ARAP2: variants seen among roughly 807,000 people sequenced by gnomAD.
ARAP2 encodes the protein arf-GAP with Rho-GAP domain, ANK repeat and PH domain-containing protein 2.
ARAP2 carries 148 observed loss-of-function variants against 194.5 expected under a neutral mutation model. The ratio of observed to expected loss-of-function variants is 0.76; its 90% confidence interval spans 0.67 to 0.87. The LOEUF (loss-of-function observed/expected upper bound fraction) is 0.87. ARAP2 is among the 40% of genes least tolerant of loss of function. The pLI is 0.00. For missense variants in ARAP2, 2,128 were observed against 1,989.7 expected (o/e 1.07, Z -1.32); for synonymous variants, 695 against 683.5 (o/e 1.02, Z -0.26).
intron 1 of ARAP2, among the ~76,000 whole-genome samples, chr4:36,060,991 TG>T (rs1366601545): frequency 1.3e-5 from 2 of 152,310 alleles, no homozygotes; most frequent in Admixed American, 1.3e-4. Context: ...CCATAACTTG[TG>T]GTAATCTGCT....
chr4:36,118,889 G>A (rs918240545), intron 24 of ARAP2, among the ~76,000 whole-genome samples: 2 of 151,360 alleles, frequency 1.3e-5, no homozygotes, highest in African/African-American at 4.8e-5. Context: ...AATGACTCTA[G>A]TTAGTTGTGG....
intron 18 of ARAP2, 93 bp downstream of exon 18, chr4:36,147,455 G>T: frequency 6.5e-7 from 1 of 1,549,854 alleles, no homozygotes; most frequent in South Asian, 1.1e-5. Context: ...TCATAAGTTT[G>T]GGAGTAAGCC....
chr4:36,214,918 A>T (rs916371522), intron 2 of ARAP2, among the ~76,000 whole-genome samples: 3 of 152,192 alleles, frequency 2.0e-5, no homozygotes, highest in Admixed American at 2.0e-4. Context: ...TATAATACTG[A>T]GTCAAAAATG....
chr4:36,189,420 A>G (rs1741361881), intron 7 of ARAP2, among the ~76,000 whole-genome samples: 1 of 152,132 alleles, frequency 6.6e-6, no homozygotes. Context: ...GAAACATTCA[A>G]TATCCTCCTT....
Position 36,210,419 on chromosome 4 carries a change from T to A in ARAP2, c.1458A>T (p.Ser486=), listed in dbSNP as rs755600591. ...FYGASAKKVK[S]GWLDKLSPQG... ...GAGGAGAGAGTTTATCCAGCCATCC[T>A]GATTTAACCTTCTTTGCAGATGCTC... Residue 486 remains serine (S), a synonymous_variant, in exon 6 of 33, where the codon TCA becomes TCT. Coordinates refer to ENST00000303965, the MANE Select transcript of ARAP2 (RefSeq NM_015230.4). The A allele has an allele frequency of 6.2e-7, 1 of 1,612,676 alleles. No individual in the cohort carries two copies. Among genetic ancestry groups the A allele is most frequent in the Non-Finnish European group, 8.5e-7 (1 of 1,179,316 alleles).
intron 13 of ARAP2, 39 bp downstream of exon 13, chr4:36,160,420 C>A: frequency 6.9e-7 from 1 of 1,451,578 alleles, no homozygotes; most frequent in South Asian, 1.5e-5. Flanking sequence ...ATTAAAAAGA[C>A]ATTAAAATCC....
chr4:36,081,780 T>A (rs1011411603), intron 30 of ARAP2, among the ~76,000 whole-genome samples: 1 of 151,788 alleles, frequency 6.6e-6, no homozygotes, highest in East Asian at 1.9e-4. Context: ...AGATCTCGTG[T>A]GGCTCAGTGA....
rs184448285 is a variant in ARAP2, at chr4:36,143,466, A to T, written c.3263+3830T>A. ...AATTAATACTGAACACTTGATTTTT[A>T]AAAAAAAATTTAAGTTACAAATTGA... On this transcript the variant is annotated intron_variant, in intron 19 of 32. Coordinates refer to ENST00000303965, the MANE Select transcript of ARAP2 (RefSeq NM_015230.4). Among the ~76,000 whole-genome samples the T allele has an allele frequency of 3.4e-3, 517 of 151,410 alleles. 3 individuals carry two copies. The highest frequency in any genetic ancestry group is 9.2e-3 in the African/African-American group (380 of 41,396).
rs775423751 is a variant in ARAP2, at chr4:36,161,532, C to T, written c.2192G>A (p.Gly731Glu). The T allele has an allele frequency of 6.2e-7, 1 of 1,613,636 alleles. No individual in the cohort carries two copies. The highest frequency in any genetic ancestry group is 8.5e-7 in the Non-Finnish European group (1 of 1,179,638). Residue 731 changes from glycine to glutamate, a missense_variant, in exon 12 of 33, where the codon GGA (glycine) becomes GAA (glutamate). Transcript: ENST00000303965. ...ACTTCTAACCTTGGAATCTTTTGGTCCTAAAGATCTATGCTGTCCTAGAGT... is the reference window on the plus strand; with the variant it reads ...ACTTCTAACCTTGGAATCTTTTGGTTCTAAAGATCTATGCTGTCCTAGAGT... Reference protein sequence around the residue: ...KKCAGQHRSLGPKDSKVRSLK... With the variant: ...KKCAGQHRSLEPKDSKVRSLK...
intron 20 of ARAP2, among the ~76,000 whole-genome samples, chr4:36,130,942 T>G (rs902243196): frequency 6.6e-6 from 1 of 151,894 alleles, no homozygotes; most frequent in African/African-American, 2.4e-5. Context: ...TTTGTTTATA[T>G]AACTGAAATA....
intron 16 of ARAP2, among the ~76,000 whole-genome samples, chr4:36,149,051 A>T (rs1730309837): frequency 6.6e-6 from 1 of 152,174 alleles, no homozygotes; most frequent in African/African-American, 2.4e-5. Flanking sequence ...TTAAAGCGAC[A>T]TTCCATGCTC....
chr4:36,148,822 CCTT>C (rs1361089295), intron 16 of ARAP2, among the ~76,000 whole-genome samples: 1 of 152,138 alleles, frequency 6.6e-6, no homozygotes, highest in African/African-American at 2.4e-5. Flanking sequence ...TCTCACCACT[CCTT>C]CTTGATTTAC....
rs551421323 is a variant in ARAP2 at position 36,223,764 on chromosome 4, G to T, written c.905+4818C>A. ...CAGCCCAGGAACAAAGCCCATATAA[G>T]CAGACATCAAGAAGGCCACCATCTG... On this transcript the variant is annotated intron_variant, in intron 2 of 32. Transcript: ENST00000303965. 3.3e-5 allele frequency among the ~76,000 whole-genome samples: 5 copies of T among 151,836 alleles called. 1 individual carries two copies. In the South Asian group the frequency reaches 1.0e-3, roughly 32 times the overall value.
intron 5 of ARAP2, among the ~76,000 whole-genome samples, chr4:36,037,499 C>T (rs1457553238): frequency 1.3e-5 from 2 of 152,116 alleles, no homozygotes; most frequent in Non-Finnish European, 2.9e-5. Flanking sequence ...GATTGGTAAG[C>T]ATAGAATGGG....
In ARAP2 at chr4:36,147,309, C is replaced by A. The variant is rs538627955; in HGVS notation, c.3250G>T (p.Val1084Leu). 6.2e-7 allele frequency: 1 copy of A among 1,612,740 alleles called. No individual in the cohort carries two copies. Among genetic ancestry groups the A allele is most frequent in the Admixed American group, 1.7e-5 (1 of 59,942 alleles). ...AAAGGCACTTACCTCCCTTTTTCTACCAAGAGTAAAACATCCAGTTTTTCC... is the reference window on the plus strand; with the variant it reads ...AAAGGCACTTACCTCCCTTTTTCTAACAAGAGTAAAACATCCAGTTTTTCC... The part of the protein sequence containing the change: ...NGEKLDVLLL[V>L]EKGRTLYIHG... The change falls in exon 19 of 33, where the codon GTA becomes TTA. Residue 1084 changes from valine to leucine, a missense_variant. Coordinates refer to ENST00000303965, the MANE Select transcript of ARAP2 (RefSeq NM_015230.4).
intron 2 of ARAP2, among the ~76,000 whole-genome samples, chr4:36,227,086 AT>A (rs1431389258): frequency 6.6e-6 from 1 of 152,178 alleles, no homozygotes; most frequent in Non-Finnish European, 1.5e-5. Flanking sequence ...ATTTTCAACA[AT>A]ATTTACTCAA....
chr4:36,035,470 TA>T (rs1189467104), intron 5 of ARAP2, among the ~76,000 whole-genome samples: 1 of 152,164 alleles, frequency 6.6e-6, no homozygotes, highest in African/African-American at 2.4e-5. Context: ...AAAGTGATGC[TA>T]TGAAGGTTCT....
rs535639012 is a variant in ARAP2 at position 36,049,765 on chromosome 4, G to C, written n.369+2241C>G. ...AAAGAAAAACACTCCACCTAAAAAG[G>C]ATTACAAAAAGCCAATAAACATGGA... On this transcript the variant is annotated intron_variant and non_coding_transcript_variant, in intron 3 of 12. Coordinates refer to the ARAP2 transcript ENST00000503225. 1.6e-4 allele frequency among the ~76,000 whole-genome samples: 24 copies of C among 152,070 alleles called. 1 individual carries two copies. Among genetic ancestry groups the C allele is most frequent in the African/African-American group, 5.3e-4 (22 of 41,504 alleles).
chr4:36,067,921 G>C lies in ARAP2; in HGVS notation c.5101C>G (p.Gln1701Glu). 2 of 1,579,932 alleles carry C rather than the reference G, an allele frequency of 1.3e-6. No individual in the cohort carries two copies. Among genetic ancestry groups the C allele is most frequent in the Non-Finnish European group, 1.7e-6 (2 of 1,160,794 alleles). ...RTLPKELQDE[Q>E]ILK is the part of the protein sequence containing the mutation. The stretch of plus-strand genomic sequence containing the variant: ...CATTTTATTTCCTACTTCAAAATCT[G>C]CTCATCCTGTAATTCTTTTGGAAGG... The change falls in exon 33 of 33, where the codon CAG (glutamine) becomes GAG (glutamate). Residue 1701 changes from glutamine (Q) to glutamate (E), a missense_variant. Physicochemically the swap from Gln to Glu is conservative, Grantham distance 29. Coordinates refer to ENST00000303965, the MANE Select transcript of ARAP2 (RefSeq NM_015230.4).
Sources: allele counts gnomAD v4.1 joint callset (sites outside exome capture counted in the v4.1 genomes callset), GRCh38; gene constraint gnomAD v4.1.1; transcripts MANE v1.5; gene names NCBI Gene and HGNC (gene_info 2026-07-23, HGNC 2026-07-21).